Variants in ASMT observed in about 807,000 individuals in gnomAD.
ASMT encodes the protein acetylserotonin O-methyltransferase, also known as acetylserotonin N-methyltransferase.
In ASMT, 53 loss-of-function variants were observed where a neutral mutation model predicts 41.3. The observed-to-expected ratio is 1.28, with a 90% confidence interval of 1.03 to 1.61. ASMT has a LOEUF of 1.61. Among genes scored for constraint, ASMT ranks in the 40% most tolerant of loss-of-function variants. The pLI is 0.00. For synonymous variants in ASMT, 231 were observed against 184.8 expected, an observed-to-expected ratio of 1.25 and a Z score of -2.03; for missense variants, 531 against 441.3, an observed-to-expected ratio of 1.20 and a Z score of -1.82.
Position 1,623,150 on chromosome X carries a change from C to T in ASMT, c.81C>T (p.Ala27=), listed in dbSNP as rs753071932. ...GCTCCTGCTCCAAGGTTCTCTTCGC[C>T]GCCTGCGAGCTGGGCGTGTTTGACC... ...NGFMVSQVLF[A]ACELGVFDLL... The change falls in exon 2 of 9, where the codon GCC becomes GCT. Residue 27 remains alanine, a synonymous_variant. Coordinates refer to ENST00000381241, the MANE Select transcript of ASMT (RefSeq NM_001171038.2). The T allele has an allele frequency of 4.7e-5, 75 of 1,612,458 alleles. No homozygotes were observed. The highest frequency in any genetic ancestry group is 2.5e-4 in the African/African-American group (19 of 74,880).
intron 1 of ASMT, among the ~76,000 whole-genome samples, chrX:1,616,871 G>A (rs1367271246): frequency 2.0e-5 from 3 of 151,796 alleles, no homozygotes; most frequent in Non-Finnish European, 4.4e-5. Context: ...ACCACGCCCG[G>A]CTAATTTTTT....
chrX:1,641,533 G>C lies in ASMT; in HGVS notation c.911-1270G>C, dbSNP rs1290783955. Among the ~76,000 whole-genome samples, 2 of 149,014 alleles carry C rather than the reference G, an allele frequency of 1.3e-5. 1 individual carries two copies. The highest frequency in any genetic ancestry group is 3.0e-5 in the Non-Finnish European group (2 of 67,178). ...AGCACAGCCTCTGTGTGTGTGTTGG[G>C]GACAGTGTCCCAGTTCTCCTGTGAG... On this transcript the variant is annotated intron_variant, in intron 8 of 8. Coordinates refer to ENST00000381241, the MANE Select transcript of ASMT (RefSeq NM_001171038.2).
rs1935246324 is a variant in ASMT, at chrX:1,642,939, C to G, written c.1047C>G (p.Leu349=). The change falls in exon 9 of 9, where the codon CTC becomes CTG. Residue 349 remains leucine (L), a synonymous_variant. Transcript: ENST00000381241. ...ERTPTHYHML[L]SSAGFRDFQF... ...CCCCCACCCACTACCACATGCTCCT[C>G]TCTTCTGCTGGCTTCAGAGACTTCC... is the stretch of plus-strand genomic sequence containing the variant. 1 of 1,614,024 alleles carries G rather than the reference C, an allele frequency of 6.2e-7. No homozygotes were observed. Among genetic ancestry groups the G allele is most frequent in the Non-Finnish European group, 8.5e-7 (1 of 1,179,878 alleles).
chrX:1,628,103 C>T (rs1194555810), intron 4 of ASMT: 1 of 385,588 alleles, frequency 2.6e-6, no homozygotes, highest in Non-Finnish European at 4.8e-6. Flanking sequence ...GGTGGATCAC[C>T]TGAGGTCAGG....
At chrX:1,636,205 C>G (rs1386426484) in intron 7 of ASMT, 9 of 600,668 alleles carry the variant, frequency 1.5e-5, no homozygotes, top group Admixed American at 9.2e-5. Context: ...GATCTGCCCA[C>G]CTCCGCCTCC....
rs190405979 is a variant in ASMT, at chrX:1,616,748, G to A, written c.69+1480G>A. Among the ~76,000 whole-genome samples, 54 of 149,912 alleles carry A rather than the reference G, an allele frequency of 3.6e-4. No homozygotes were observed. In the East Asian group the frequency reaches 7.3e-3, roughly 20 times the overall value. Reference sequence around the variant, plus strand: ...TTTTGAGACAGAGTCTCGCTCTGTCGCCCAGGCTGGAGTGCAATGGCACGA... The same window carrying A: ...TTTTGAGACAGAGTCTCGCTCTGTCACCCAGGCTGGAGTGCAATGGCACGA... On this transcript the variant is annotated intron_variant, in intron 1 of 8. Coordinates refer to ENST00000381241, the MANE Select transcript of ASMT (RefSeq NM_001171038.2).
chrX:1,632,247 C>T (rs1198827438), intron 5 of ASMT, among the ~76,000 whole-genome samples: 1 of 152,092 alleles, frequency 6.6e-6, no homozygotes, highest in African/African-American at 2.4e-5. Context: ...CAGTTAAGTG[C>T]GTGGCCATAT....
At chrX:1,636,672 C>T in intron 8 of ASMT, 112 bp downstream of exon 8, 1 of 1,531,466 alleles carries the variant, frequency 6.5e-7, no homozygotes, top group Non-Finnish European at 9.0e-7. Flanking sequence ...GGTAGACATC[C>T]TGCCCAATAT....
At chrX:1,619,605 A>AG (rs1934267969) in intron 1 of ASMT, among the ~76,000 whole-genome samples, 1 of 146,262 alleles carries the variant, frequency 6.8e-6, no homozygotes, top group Non-Finnish European at 1.5e-5. Flanking sequence ...CTTTGGGAGC[A>AG]GAAAAAAAAA....
intron 5 of ASMT, among the ~76,000 whole-genome samples, chrX:1,631,926 G>A (rs1231445464): frequency 6.6e-6 from 1 of 152,140 alleles, no homozygotes; most frequent in Non-Finnish European, 1.5e-5. Context: ...GTAGGTGCCT[G>A]TCATCCCAGG....
chrX:1,632,794 A>G lies in ASMT; in HGVS notation c.646+7A>G, dbSNP rs1347969207. The G allele has an allele frequency of 1.2e-5, 5 of 424,036 alleles. No individual in the cohort carries two copies. Among genetic ancestry groups the G allele is most frequent in the Admixed American group, 7.0e-5 (2 of 28,414 alleles). The allele number at this position is 424,036 out of a possible 1,614,324, so 26.3% of individuals were successfully genotyped here. A position where few individuals can be genotyped will look rare whatever the true frequency, so the allele number is the denominator to read the frequency against. On this transcript the variant is annotated splice_region_variant and intron_variant, in intron 6 of 8. Coordinates refer to ENST00000381241, the MANE Select transcript of ASMT (RefSeq NM_001171038.2). ...CGCGTGTTCTCACTCATAGGTGGGAACTGAACAATGAGACCACATGGACAC... is the reference window on the plus strand; with the variant it reads ...CGCGTGTTCTCACTCATAGGTGGGAGCTGAACAATGAGACCACATGGACAC...
chrX:1,625,798 C>CA (rs1427692555), intron 3 of ASMT, among the ~76,000 whole-genome samples: 6 of 151,162 alleles, frequency 4.0e-5, no homozygotes, highest in South Asian at 2.1e-4. Flanking sequence ...ATTAAAAATA[C>CA]AAAAAATTAG....
intron 7 of ASMT, among the ~76,000 whole-genome samples, chrX:1,633,632 C>T (rs1172277691): frequency 2.0e-5 from 3 of 148,298 alleles, no homozygotes; most frequent in Non-Finnish European, 4.4e-5. Context: ...TGCGCCACCA[C>T]ATCCAGCTAA....
intron 3 of ASMT, among the ~76,000 whole-genome samples, chrX:1,627,347 T>C (rs1395708659): frequency 1.2e-3 from 173 of 140,938 alleles, no homozygotes; most frequent in African/African-American, 4.5e-3. Context: ...TAAGGCCAGG[T>C]GTGGTGGCTC....
chrX:1,615,577 C>T (rs188520428), intron 1 of ASMT, among the ~76,000 whole-genome samples: 24 of 151,846 alleles, frequency 1.6e-4, no homozygotes, highest in East Asian at 1.4e-3. Flanking sequence ...CTGAGGCGGG[C>T]GGATCACCTG....
At chrX:1,637,120 A>AT (rs1450768838) in intron 8 of ASMT, among the ~76,000 whole-genome samples, 3 of 112,732 alleles carry the variant, frequency 2.7e-5, no homozygotes, top group Non-Finnish European at 5.6e-5. Flanking sequence ...TGTGAGGTCC[A>AT]CCCATCCTGA....
chrX:1,629,009 GCCTGCCTT>G (rs1250912657), intron 4 of ASMT, among the ~76,000 whole-genome samples: 1 of 137,290 alleles, frequency 7.3e-6, no homozygotes, highest in Admixed American at 7.9e-5. Flanking sequence ...CTTTCCTTCT[GCCTGCCTT>G]CCTTCCTTCC....
At chrX:1,617,846 C>T (rs1934196153) in intron 1 of ASMT, among the ~76,000 whole-genome samples, 2 of 152,162 alleles carry the variant, frequency 1.3e-5, no homozygotes, top group South Asian at 4.2e-4. Flanking sequence ...AACTCCCAAC[C>T]TCAGGTGATC....
At chrX:1,623,642 G>A (rs1213139803) in intron 2 of ASMT, among the ~76,000 whole-genome samples, 20 of 152,214 alleles carry the variant, frequency 1.3e-4, no homozygotes, top group Non-Finnish European at 2.4e-4. Context: ...GGCAGCTACC[G>A]ACCTCTGCCC....
Sources: allele counts gnomAD v4.1 joint callset (sites outside exome capture counted in the v4.1 genomes callset), GRCh38; gene constraint gnomAD v4.1.1; transcripts MANE v1.5; gene names NCBI Gene and HGNC (gene_info 2026-07-23, HGNC 2026-07-21).